Variants in GRIK4 observed in about 807,000 individuals in gnomAD.
The protein encoded by GRIK4 is glutamate receptor ionotropic, kainate 4.
GRIK4 carries 40 observed loss-of-function variants against 104.9 expected under a neutral mutation model. That is an observed-to-expected ratio of 0.38 (90% CI 0.30 to 0.50). The LOEUF (loss-of-function observed/expected upper bound fraction) is 0.50. Ranked by LOEUF, GRIK4 falls within the 20% of genes least tolerant of loss-of-function variation. The pLI is 0.93. For synonymous variants in GRIK4, 485 were observed against 524.9 expected, an observed-to-expected ratio of 0.92 and a Z score of 1.04; for missense variants, 1,047 against 1,308.1, an observed-to-expected ratio of 0.80 and a Z score of 3.08.
rs552698129 is a variant in GRIK4 at position 120,672,105 on chromosome 11, C to T, written c.82+11705C>T. ...TTTGCTTAGGATCGTCTTGGCTATA[C>T]GGGCTCTTTTTTGGTTCCATATGAA... On this transcript the variant is annotated intron_variant, in intron 3 of 20. Coordinates refer to ENST00000527524, the MANE Select transcript of GRIK4 (RefSeq NM_014619.5). Among the ~76,000 whole-genome samples, 20 of 152,210 alleles carry T rather than the reference C, an allele frequency of 1.3e-4. No homozygotes were observed. The East Asian group carries it at 1.4e-3, about 10-fold the overall frequency.
At chr11:120,577,331 G>C (rs1482358862) in intron 1 of GRIK4, among the ~76,000 whole-genome samples, 1 of 152,052 alleles carries the variant, frequency 6.6e-6, no homozygotes, top group Admixed American at 6.6e-5. Context: ...CCTGAGAGGG[G>C]TGTGTGGAGG....
chr11:120,676,991 C>T (rs1189263631), intron 3 of GRIK4, among the ~76,000 whole-genome samples: 1 of 152,200 alleles, frequency 6.6e-6, no homozygotes, highest in Admixed American at 6.5e-5. Context: ...CGATCCTTGG[C>T]CCAAGTTGCC....
intron 2 of GRIK4, among the ~76,000 whole-genome samples, chr11:120,654,395 G>T (rs184199805): frequency 6.6e-6 from 1 of 151,978 alleles, no homozygotes; most frequent in Non-Finnish European, 1.5e-5. Flanking sequence ...ACAGTATCTC[G>T]CTCTGTTGCC....
intron 8 of GRIK4, among the ~76,000 whole-genome samples, chr11:120,852,959 C>T (rs576679875): frequency 9.2e-5 from 14 of 152,310 alleles, no homozygotes; most frequent in African/African-American, 3.4e-4. Context: ...AGATGAGGCA[C>T]AGCCTGACAA....
intron 3 of GRIK4, among the ~76,000 whole-genome samples, chr11:120,692,515 C>T (rs1422234246): frequency 6.6e-6 from 1 of 152,012 alleles, no homozygotes; most frequent in Non-Finnish European, 1.5e-5. Flanking sequence ...GGGTGAGGCA[C>T]CAAACATCCC....
intron 13 of GRIK4, among the ~76,000 whole-genome samples, chr11:120,921,856 A>C (rs1216770206): frequency 6.6e-6 from 1 of 152,100 alleles, no homozygotes; most frequent in Non-Finnish European, 1.5e-5. Flanking sequence ...CTTTAAACCT[A>C]ACTGGGTATC....
At position 120,831,923 on chromosome 11, in the gene GRIK4, GA is replaced by G. The variant is rs1482142310; in HGVS notation, c.584del (p.Asp195ValfsTer35). 1 of 1,613,946 alleles carries G rather than the reference GA, an allele frequency of 6.2e-7. No homozygotes were observed. The highest frequency in any genetic ancestry group is 8.5e-7 in the Non-Finnish European group (1 of 1,179,924). Reference protein sequence around the residue: ...SKDTLSVRMLDDTRDPTPLLK... With the variant: ...SKDTLSVRMLXDTRDPTPLLK... ...GGACACGCTGTCCGTCCGCATGCTG[GA>G]TGACACCCGGGACCCCACCCCGCTC... On this transcript the variant is annotated frameshift_variant, in exon 7 of 21. Coordinates refer to ENST00000527524, the MANE Select transcript of GRIK4 (RefSeq NM_014619.5). LOFTEE classifies it high-confidence loss of function.
intron 6 of GRIK4, among the ~76,000 whole-genome samples, chr11:120,822,685 A>C (rs547296102): frequency 6.6e-6 from 1 of 152,206 alleles, no homozygotes; most frequent in Non-Finnish European, 1.5e-5. Flanking sequence ...TCATGGAGGA[A>C]AGTTCTACAG....
At chr11:120,553,442 AGAG>A (rs1262674915) in intron 1 of GRIK4, among the ~76,000 whole-genome samples, 1 of 152,204 alleles carries the variant, frequency 6.6e-6, no homozygotes, top group Non-Finnish European at 1.5e-5. Context: ...GAACATTTTC[AGAG>A]GAGAAGTGGG....
At chr11:120,858,728 TA>T (rs1954184436) in intron 8 of GRIK4, among the ~76,000 whole-genome samples, 2 of 152,196 alleles carry the variant, frequency 1.3e-5, no homozygotes, top group Non-Finnish European at 1.5e-5. Context: ...TACTGGCACA[TA>T]AGATGTTCAT....
intron 3 of GRIK4, among the ~76,000 whole-genome samples, chr11:120,740,162 C>T (rs1192281027): frequency 1.3e-5 from 2 of 150,746 alleles, no homozygotes; most frequent in African/African-American, 4.9e-5. Flanking sequence ...CCCTTCTGAG[C>T]CTACTCTCCA....
At chr11:120,604,032 C>T (rs554943487) in intron 1 of GRIK4, among the ~76,000 whole-genome samples, 165 of 152,058 alleles carry the variant, frequency 1.1e-3, no homozygotes, top group African/African-American at 3.6e-3. Flanking sequence ...ATTAGCCAGG[C>T]GTGGTGGCGG....
chr11:120,884,219 T>A (rs1955053187), intron 11 of GRIK4, among the ~76,000 whole-genome samples: 1 of 152,262 alleles, frequency 6.6e-6, no homozygotes, highest in Non-Finnish European at 1.5e-5. Flanking sequence ...TTTATGTGCA[T>A]CATAAAATTA....
chr11:120,810,637 G>A (rs992444357), intron 4 of GRIK4, among the ~76,000 whole-genome samples: 1 of 152,108 alleles, frequency 6.6e-6, no homozygotes, highest in African/African-American at 2.4e-5. Context: ...AATAAAAAAG[G>A]ATAGAAAATA....
chr11:120,749,578 G>A (rs1251421275), intron 3 of GRIK4, among the ~76,000 whole-genome samples: 1 of 152,186 alleles, frequency 6.6e-6, no homozygotes, highest in Non-Finnish European at 1.5e-5. Context: ...TCCCCAGAAT[G>A]AATCACACCA....
In GRIK4 at chr11:120,754,157, AG is replaced by A. The variant is rs533247941; in HGVS notation, c.83-48535del. Among the ~76,000 whole-genome samples the A allele has an allele frequency of 3.3e-3, 509 of 152,186 alleles. 4 individuals carry two copies. Among genetic ancestry groups the A allele is most frequent in the African/African-American group, 0.012 (480 of 41,522 alleles). On this transcript the variant is annotated intron_variant, in intron 3 of 20. Coordinates refer to ENST00000527524, the MANE Select transcript of GRIK4 (RefSeq NM_014619.5). Reference sequence around the variant, plus strand: ...GTGATTCTCCTGCCCCAGCCTCCCAAGTAGCTGGGATTACAGGCGCCCGCCA... The same window carrying A: ...GTGATTCTCCTGCCCCAGCCTCCCAATAGCTGGGATTACAGGCGCCCGCCA...
chr11:120,634,283 C>A (rs1317013607), intron 1 of GRIK4, among the ~76,000 whole-genome samples: 1 of 152,142 alleles, frequency 6.6e-6, no homozygotes, highest in Non-Finnish European at 1.5e-5. Flanking sequence ...TTGAACATGA[C>A]AGCTAACGTG....
chr11:120,908,087 T>C (rs1162105194), intron 13 of GRIK4, among the ~76,000 whole-genome samples: 2 of 152,154 alleles, frequency 1.3e-5, no homozygotes, highest in African/African-American at 2.4e-5. Flanking sequence ...CTTGGGGCTA[T>C]TGAATGTGCT....
chr11:120,582,854 G>A (rs1275914860), intron 1 of GRIK4, among the ~76,000 whole-genome samples: 2 of 152,116 alleles, frequency 1.3e-5, no homozygotes, highest in African/African-American at 2.4e-5. Context: ...GTAGAAAAAT[G>A]TATATTTCTT....
Sources: gnomAD v4.1 joint callset for allele counts (sites outside exome capture counted in the v4.1 genomes callset) on GRCh38, gnomAD v4.1.1 for gene constraint, MANE v1.5 for transcripts, NCBI Gene and HGNC (gene_info 2026-07-23, HGNC 2026-07-21) for gene names.